The following GDAP2 variants were observed in gnomAD, a reference collection of about 807,000 sequenced individuals.
GDAP2 encodes the protein ganglioside induced differentiation associated protein 2.
A neutral mutation model predicts 67.0 loss-of-function variants in GDAP2; 51 were observed. The observed-to-expected ratio is 0.76, with a 90% CI of 0.61 to 0.96. The LOEUF (loss-of-function observed/expected upper bound fraction) is 0.96. GDAP2 is among the 40% of genes least tolerant of loss of function. GDAP2 has a pLI of 0.00. For missense variants in GDAP2, 547 were observed against 588.3 expected (o/e 0.93, Z 0.73); for synonymous variants, 203 against 207.3 (o/e 0.98, Z 0.18).
intron 3 of GDAP2, chr1:117,913,508 A>C (rs1407177674): frequency 6.6e-6 from 1 of 151,880 alleles, no homozygotes; most frequent in Non-Finnish European, 1.5e-5. Flanking sequence ...AGCTGAAAAG[A>C]GGGGATTTAG....
At chr1:117,915,518 T>C (rs527921872) in intron 3 of GDAP2, among the ~76,000 whole-genome samples, 13 of 152,350 alleles carry the variant, frequency 8.5e-5, no homozygotes, top group African/African-American at 2.9e-4. Context: ...GGGTAGTAGA[T>C]GTAATTTCAG....
At chr1:117,929,045 T>A (rs1390256979) in intron 1 of GDAP2, among the ~76,000 whole-genome samples, 1 of 152,006 alleles carries the variant, frequency 6.6e-6, no homozygotes, top group Non-Finnish European at 1.5e-5. Flanking sequence ...GGGCTCAGCG[T>A]CTACCCACCC....
At chr1:117,873,890 T>C (rs1648372109) in intron 13 of GDAP2, among the ~76,000 whole-genome samples, 1 of 152,226 alleles carries the variant, frequency 6.6e-6, no homozygotes, top group Non-Finnish European at 1.5e-5. Flanking sequence ...ACCACTGCCC[T>C]AACAATATAG....
chr1:117,887,666 G>C, intron 9 of GDAP2, 32 bp downstream of exon 9: 1 of 1,059,428 alleles, frequency 9.4e-7, no homozygotes, highest in Non-Finnish European at 1.5e-6. Context: ...CTTAATTAGT[G>C]AAAGAATAAG....
chr1:117,884,758 A>T (rs1648787150), intron 10 of GDAP2, among the ~76,000 whole-genome samples: 1 of 151,916 alleles, frequency 6.6e-6, no homozygotes, highest in Non-Finnish European at 1.5e-5. Context: ...TAAGAACATA[A>T]ATGATTACAA....
At position 117,896,593 on chromosome 1, in the gene GDAP2, C is replaced by T. The variant is rs2101136193; in HGVS notation, c.953+240G>A. The T allele has an allele frequency of 8.6e-6, 3 of 348,256 alleles. No homozygotes were observed. The East Asian group carries it at 1.4e-4, about 16-fold the overall frequency. 21.6% of individuals were successfully genotyped at this position (348,256 alleles called of 1,614,324 possible). The stretch of plus-strand genomic sequence containing the variant: ...ACTATTGTAGTAGACAGGGTAGGAG[C>T]TCTGAAATCAGACATGTATCTGACC... On this transcript the variant is annotated intron_variant, in intron 8 of 13. Coordinates refer to ENST00000369443, the MANE Select transcript of GDAP2 (RefSeq NM_017686.4).
At chr1:117,910,550 T>C (rs1376720636) in intron 5 of GDAP2, among the ~76,000 whole-genome samples, 1 of 152,168 alleles carries the variant, frequency 6.6e-6, no homozygotes, top group African/African-American at 2.4e-5. Context: ...CACCCTAAAC[T>C]CCAGGCTACA....
At chr1:117,911,605 C>T (rs1253543557) in intron 5 of GDAP2, among the ~76,000 whole-genome samples, 1 of 152,052 alleles carries the variant, frequency 6.6e-6, no homozygotes, top group Admixed American at 6.6e-5. Context: ...AATTAATAGG[C>T]AAGTCTTCTG....
At chr1:117,920,737 G>GAA (rs34582428) in intron 1 of GDAP2, among the ~76,000 whole-genome samples, 3 of 120,324 alleles carry the variant, frequency 2.5e-5, no homozygotes, top group African/African-American at 5.8e-5. Context: ...GCCTACTATT[G>GAA]AAAAAAAAAA....
At chr1:117,911,173 A>C (rs1055523679) in intron 5 of GDAP2, among the ~76,000 whole-genome samples, 1 of 152,214 alleles carries the variant, frequency 6.6e-6, no homozygotes, top group Admixed American at 6.5e-5. Flanking sequence ...AATATGACAC[A>C]CAGAAATATA....
intron 9 of GDAP2, among the ~76,000 whole-genome samples, chr1:117,886,988 T>C (rs1380544495): frequency 2.6e-5 from 4 of 152,086 alleles, no homozygotes; most frequent in Non-Finnish European, 5.9e-5. Context: ...AGTGGTGTGA[T>C]CATAGCTTAC....
chr1:117,881,115 G>A (rs1648634367), intron 12 of GDAP2, among the ~76,000 whole-genome samples: 1 of 152,152 alleles, frequency 6.6e-6, no homozygotes. Flanking sequence ...TTGATGGGCA[G>A]GTGTGATGAA....
chr1:117,870,447 C>T lies in GDAP2; in HGVS notation c.*122G>A. The T allele has an allele frequency of 1.4e-6, 1 of 705,876 alleles. No homozygotes were observed. Among genetic ancestry groups the T allele is most frequent in the Non-Finnish European group, 2.5e-6 (1 of 395,260 alleles). The allele number at this position is 705,876 out of a possible 1,614,324, so 43.7% of individuals were successfully genotyped here. On this transcript the variant is annotated 3_prime_UTR_variant, in exon 14 of 14. Transcript: ENST00000369443. Reference sequence around the variant, plus strand: ...AAATATACAGTCAATAAAAAAATACCAGAGAGGTGGGGACAAAAGGCTCTC... The same window carrying T: ...AAATATACAGTCAATAAAAAAATACTAGAGAGGTGGGGACAAAAGGCTCTC...
At chr1:117,897,034 T>C (rs1649288771) in intron 7 of GDAP2, 45 bp from the exon 8 acceptor site, 3 of 1,375,020 alleles carry the variant, frequency 2.2e-6, no homozygotes, top group Non-Finnish European at 3.0e-6. Flanking sequence ...ATGCTAAAAC[T>C]AGATAGTAAA....
In GDAP2 at chr1:117,878,133, G is replaced by GT; in HGVS notation, c.1321dup (p.Thr441AsnfsTer31). On this transcript the variant is annotated frameshift_variant, in exon 13 of 14. Coordinates refer to ENST00000369443, the MANE Select transcript of GDAP2 (RefSeq NM_017686.4). LOFTEE classifies it high-confidence loss of function. Reference sequence around the variant, plus strand: ...CTTCAGTCCTGAGACAGAAAAGGTGGTAAAAAACCATGTTGACACCTGATT... The same window carrying GT: ...CTTCAGTCCTGAGACAGAAAAGGTGGTTAAAAAACCATGTTGACACCTGATT... The GT allele has an allele frequency of 6.3e-7, 1 of 1,588,564 alleles. No individual in the cohort carries two copies. The highest frequency in any genetic ancestry group is 8.6e-7 in the Non-Finnish European group (1 of 1,164,092).
intron 8 of GDAP2, among the ~76,000 whole-genome samples, chr1:117,889,687 T>G (rs1190939999): frequency 6.6e-6 from 1 of 152,128 alleles, no homozygotes; most frequent in Non-Finnish European, 1.5e-5. Flanking sequence ...AAAAATAATA[T>G]AAAAACGTAA....
chr1:117,925,818 T>C (rs1372063047), intron 1 of GDAP2, among the ~76,000 whole-genome samples: 1 of 152,216 alleles, frequency 6.6e-6, no homozygotes, highest in East Asian at 1.9e-4. Context: ...GTGTCAAAAC[T>C]GCATAGGAGA....
chr1:117,926,386 G>C (rs994586668), intron 1 of GDAP2, among the ~76,000 whole-genome samples: 1 of 152,118 alleles, frequency 6.6e-6, no homozygotes, highest in Non-Finnish European at 1.5e-5. Flanking sequence ...GAGTTTGTTG[G>C]ATCCTTTTCC....
chr1:117,928,785 T>A (rs1042221753), intron 1 of GDAP2, among the ~76,000 whole-genome samples: 2 of 152,242 alleles, frequency 1.3e-5, no homozygotes, highest in Non-Finnish European at 2.9e-5. Flanking sequence ...CTATGTTAGC[T>A]TTAATTTTGC....
Sources: allele counts gnomAD v4.1 joint callset (sites outside exome capture counted in the v4.1 genomes callset), GRCh38; gene constraint gnomAD v4.1.1; transcripts MANE v1.5; gene names NCBI Gene and HGNC (gene_info 2026-07-23, HGNC 2026-07-21).